AHDC1: variants seen among roughly 807,000 people sequenced by gnomAD.
AHDC1 encodes transcription factor Gibbin.
Under a neutral mutation model 87.9 loss-of-function variants are expected in AHDC1, and 7 were observed. That is an observed-to-expected ratio of 0.08 (90% CI 0.05 to 0.15). The LOEUF is 0.15. Among genes scored for constraint, AHDC1 ranks in the 10% least tolerant of loss-of-function variants. AHDC1 has a pLI of 1.00. For synonymous variants in AHDC1, 1,051 were observed against 1,006.8 expected (o/e 1.04, Z -0.83); for missense variants, 1,841 against 2,253.2 (o/e 0.82, Z 3.70).
rs1240409249 is a variant in AHDC1, at chr1:27,558,464, C to T, written c.-384G>A. 7 of 300,914 alleles carry T rather than the reference C, an allele frequency of 2.3e-5. No homozygotes were observed. Among genetic ancestry groups the T allele is most frequent in the Middle Eastern group, 8.8e-4 (1 of 1,142 alleles). 18.6% of individuals were successfully genotyped at this position (300,914 alleles called of 1,614,324 possible). ...TCCCAGTTCTCTCAGGTCATCAAGG[C>T]GCAGGGAAGAGTCCTCAGGCTAGGA... On this transcript the variant is annotated 5_prime_UTR_variant, in exon 5 of 9. Coordinates refer to ENST00000673934, the MANE Select transcript of AHDC1 (RefSeq NM_001371928.1). This position sits in a 1 kb window ranked among gnomAD's most constrained non-coding sequence, Gnocchi z 5.6.
chr1:27,551,661 A>G lies in AHDC1; in HGVS notation c.455T>C (p.Leu152Pro), dbSNP rs1364466980. 1 of 1,613,572 alleles carries G rather than the reference A, an allele frequency of 6.2e-7. No homozygotes were observed. Among genetic ancestry groups the G allele is most frequent in the Admixed American group, 1.7e-5 (1 of 60,022 alleles). Residue 152 changes from leucine to proline, a missense_variant, in exon 8 of 9, where the codon CTG (leucine) becomes CCG (proline). Physicochemically the swap from Leu to Pro is moderately conservative, Grantham distance 98. Transcript: ENST00000673934. The stretch of plus-strand genomic sequence containing the variant: ...GGGTGGCGGTGCAGGCGGGCGGCTC[A>G]GTCGGAGCCCACCACAGTCCAGGTG... ...GVHLDCGGLR[L>P]SRPPAPPPGD... is the part of the protein sequence containing the mutation.
chr1:27,550,237 G>C lies in AHDC1; in HGVS notation c.1879C>G (p.Gln627Glu). 6.2e-7 allele frequency: 1 copy of C among 1,613,780 alleles called. No individual in the cohort carries two copies. Among genetic ancestry groups the C allele is most frequent in the Non-Finnish European group, 8.5e-7 (1 of 1,179,980 alleles). The change falls in exon 8 of 9, where the codon CAG becomes GAG. Residue 627 changes from glutamine (Q) to glutamate (E), a missense_variant. Gln to Glu is a conservative substitution (Grantham distance 29). Transcript: ENST00000673934. ...GGCGGTGAGCACCGTCCAGCGCACT[G>C]GCTCTGGCGGTTCAGGAAGGCCAGC... Reference protein sequence around the residue: ...AKLAFLNRQSQCAGRCSPPRC... With the variant: ...AKLAFLNRQSECAGRCSPPRC...
intron 3 of AHDC1, among the ~76,000 whole-genome samples, chr1:27,566,971 G>A (rs1482858626): frequency 2.6e-5 from 4 of 151,964 alleles, no homozygotes; most frequent in Admixed American, 2.6e-4. Flanking sequence ...CCCTGCCCTC[G>A]GGGCTCTACC....
At chr1:27,571,615 G>C (rs528684317) in intron 3 of AHDC1, among the ~76,000 whole-genome samples, 4 of 152,214 alleles carry the variant, frequency 2.6e-5, no homozygotes, top group African/African-American at 7.2e-5. Flanking sequence ...CAAGGAGGGG[G>C]GGGTGGCTGC....
In AHDC1 at chr1:27,561,498, TG is replaced by T. The variant is rs1242623264; in HGVS notation, c.-628-2616del. ...TGCTGGGAGGCAGAGGACAGTGTGG[TG>T]GGGGGAACACAGCAAGGAGGGGTGC... is the stretch of plus-strand genomic sequence containing the variant. On this transcript the variant is annotated intron_variant, in intron 3 of 8. Coordinates refer to ENST00000673934, the MANE Select transcript of AHDC1 (RefSeq NM_001371928.1). This position sits in a 1 kb window ranked among gnomAD's most constrained non-coding sequence, Gnocchi z 4.2. Among the ~76,000 whole-genome samples, 2 of 150,858 alleles carry T rather than the reference TG, an allele frequency of 1.3e-5. No individual in the cohort carries two copies. Among genetic ancestry groups the T allele is most frequent in the African/African-American group, 4.9e-5 (2 of 40,980 alleles).
intron 8 of AHDC1, among the ~76,000 whole-genome samples, chr1:27,542,429 ATGAAGG>A (rs2018970253): frequency 6.6e-6 from 1 of 152,232 alleles, no homozygotes; most frequent in Admixed American, 6.5e-5. Context: ...ATGGTCCTGC[ATGAAGG>A]TACAAGAGGC....
At chr1:27,591,530 G>A (rs1334780538) in intron 3 of AHDC1, among the ~76,000 whole-genome samples, 6 of 152,202 alleles carry the variant, frequency 3.9e-5, no homozygotes, top group Admixed American at 3.3e-4. Context: ...CCCAGATGGG[G>A]TAAGGTCACA....
At chr1:27,596,073 G>T (rs1220339839) in intron 3 of AHDC1, among the ~76,000 whole-genome samples, 2 of 152,002 alleles carry the variant, frequency 1.3e-5, no homozygotes, top group South Asian at 2.1e-4. Context: ...TGTGTGTTAG[G>T]GGGGATGCCC....
intron 7 of AHDC1, chr1:27,552,487 C>T: frequency 4.9e-6 from 1 of 203,318 alleles, no homozygotes; most frequent in Non-Finnish European, 9.8e-6. Flanking sequence ...CAACCTCCGC[C>T]TCCTAGTGCA....
chr1:27,539,452 TTTTG>T (rs1557647079), intron 8 of AHDC1, among the ~76,000 whole-genome samples: 2 of 150,704 alleles, frequency 1.3e-5, no homozygotes, highest in African/African-American at 2.4e-5. Context: ...AGAATTTTTT[TTTTG>T]TTTGTTTGAG....
chr1:27,581,160 C>T (rs1165313474), intron 3 of AHDC1, among the ~76,000 whole-genome samples: 3 of 151,974 alleles, frequency 2.0e-5, no homozygotes, highest in Non-Finnish European at 2.9e-5. Flanking sequence ...GACAGGGTCT[C>T]GCTCTGTATC....
chr1:27,565,925 G>T lies in AHDC1; in HGVS notation c.-628-7042C>A, dbSNP rs893020913. Among the ~76,000 whole-genome samples the T allele has an allele frequency of 6.6e-5, 10 of 152,306 alleles. No individual in the cohort carries two copies. Among genetic ancestry groups the T allele is most frequent in the African/African-American group, 2.4e-4 (10 of 41,568 alleles). ...CTTGTTTCCTGGTGCCACACTCTCT[G>T]TAGGCTCTTCAACCTTGCACCCTCC... On this transcript the variant is annotated intron_variant, in intron 3 of 8. Transcript: ENST00000673934. The surrounding 1 kb of genome is among the most constrained non-coding windows in gnomAD (Gnocchi z 4.6).
rs9438589 is a variant in AHDC1 at position 27,555,824 on chromosome 1, C to T, written c.-225+2481G>A. ...TGGCAGAAGAGAAAAACCTCCTCTC[C>T]GGTGGTGGCTTCTGTTCAACCCACC... On this transcript the variant is annotated intron_variant, in intron 5 of 8. Coordinates refer to ENST00000673934, the MANE Select transcript of AHDC1 (RefSeq NM_001371928.1). Among the ~76,000 whole-genome samples the T allele has an allele frequency of 1.0e-2, 1,520 of 152,200 alleles. 13 individuals carry two copies. The highest frequency in any genetic ancestry group is 0.018 in the African/African-American group (740 of 41,546).
Position 27,561,708 on chromosome 1 carries a change from C to T in AHDC1, c.-628-2825G>A, listed in dbSNP as rs949686381. Reference sequence around the variant, plus strand: ...GAGAGGAAAAGACAGAGAGAGAGAGCGTGCCAGAGGGAGAGAGGAAAAGAC... The same window carrying T: ...GAGAGGAAAAGACAGAGAGAGAGAGTGTGCCAGAGGGAGAGAGGAAAAGAC... On this transcript the variant is annotated intron_variant, in intron 3 of 8. Coordinates refer to ENST00000673934, the MANE Select transcript of AHDC1 (RefSeq NM_001371928.1). This position sits in a 1 kb window ranked among gnomAD's most constrained non-coding sequence, Gnocchi z 4.2. Among the ~76,000 whole-genome samples, 9 of 150,956 alleles carry T rather than the reference C, an allele frequency of 6.0e-5. No individual in the cohort carries two copies. The highest frequency in any genetic ancestry group is 1.5e-4 in the African/African-American group (6 of 40,950).
At chr1:27,556,992 C>G (rs1333373684) in intron 5 of AHDC1, among the ~76,000 whole-genome samples, 5 of 149,684 alleles carry the variant, frequency 3.3e-5, no homozygotes, top group East Asian at 2.0e-4. Context: ...AGGGCCCCCC[C>G]ACAGCACAGC....
chr1:27,552,224 A>C, intron 7 of AHDC1, 35 bp from the exon 8 acceptor site: 1 of 1,412,874 alleles, frequency 7.1e-7, no homozygotes. Context: ...TCCCTTACTG[A>C]ACACCTACAT....
chr1:27,597,195 C>T (rs747674841), intron 3 of AHDC1, among the ~76,000 whole-genome samples: 3 of 152,142 alleles, frequency 2.0e-5, no homozygotes, highest in Non-Finnish European at 2.9e-5. Context: ...GGTGTGACTG[C>T]CACTGTATGT....
At chr1:27,589,786 C>T (rs1032513597) in intron 3 of AHDC1, among the ~76,000 whole-genome samples, 2 of 152,192 alleles carry the variant, frequency 1.3e-5, no homozygotes, top group Non-Finnish European at 2.9e-5. Context: ...AATAAAATCA[C>T]GCTCCCATAA....
At chr1:27,552,239 A>C in intron 7 of AHDC1, 50 bp from the exon 8 acceptor site, 54 of 1,375,106 alleles carry the variant, frequency 3.9e-5, no homozygotes, top group Middle Eastern at 2.6e-4. Context: ...CTACATCCTC[A>C]TCAGCTTCCC....
Sources: gnomAD v4.1 joint callset for allele counts (sites outside exome capture counted in the v4.1 genomes callset) on GRCh38, gnomAD v4.1.1 for gene constraint, Gnocchi (gnomAD v3.1) non-coding constraint, MANE v1.5 for transcripts, NCBI Gene and HGNC (gene_info 2026-07-23, HGNC 2026-07-21) for gene names.